ATP2C1: variants seen among roughly 807,000 people sequenced by gnomAD.
ATP2C1 encodes ATPase secretory pathway Ca2+ transporting 1.
ATP2C1 carries 31 observed loss-of-function variants against 120.5 expected under a neutral mutation model. That is an observed-to-expected ratio of 0.26 (90% CI 0.19 to 0.35). The LOEUF is 0.35. Ranked by LOEUF, ATP2C1 falls within the 10% of genes least tolerant of loss-of-function variation. The pLI is 1.00. For synonymous variants in ATP2C1, 351 were observed against 358.7 expected (o/e 0.98, Z 0.24); for missense variants, 731 against 1,107.5 (o/e 0.66, Z 4.83).
chr3:130,899,126 G>C (rs1354591279), intron 2 of ATP2C1, among the ~76,000 whole-genome samples: 1 of 152,086 alleles, frequency 6.6e-6, no homozygotes, highest in Non-Finnish European at 1.5e-5. Flanking sequence ...CAAAAAAAAG[G>C]CTAAATTGAT....
chr3:130,984,754 A>G (rs937100251), intron 20 of ATP2C1, among the ~76,000 whole-genome samples: 1 of 152,218 alleles, frequency 6.6e-6, no homozygotes, highest in Admixed American at 6.5e-5. Context: ...GGAAAAAATA[A>G]TTTTAAAATA....
In ATP2C1 at chr3:130,969,309, TCAA is replaced by T. The variant is rs2061189800; in HGVS notation, c.1330_1332del (p.Gln444del). On this transcript the variant is annotated inframe_deletion, in exon 17 of 28. Transcript: ENST00000510168. ...CCATATAGATGGGTCTTGATGGACT[TCAA>T]CAAGACTACATCAGAAAAGCTGAAT... The T allele has an allele frequency of 6.2e-7, 1 of 1,612,988 alleles. No homozygotes were observed. The highest frequency in any genetic ancestry group is 1.7e-5 in the Admixed American group (1 of 60,000).
intron 2 of ATP2C1, among the ~76,000 whole-genome samples, chr3:130,912,134 A>C (rs1445692389): frequency 6.9e-5 from 8 of 115,668 alleles, no homozygotes; most frequent in African/African-American, 2.9e-4. Flanking sequence ...CGTTAGACCT[A>C]AAACCATAAA....
chr3:130,889,996 G>C (rs2069117602), upstream of ATP2C1, among the ~76,000 whole-genome samples: 1 of 152,090 alleles, frequency 6.6e-6, no homozygotes, highest in Non-Finnish European at 1.5e-5. Context: ...AGGAAAGTAG[G>C]AGCTTGGATT....
At chr3:130,921,924 CT>C (rs2058984724) in intron 2 of ATP2C1, among the ~76,000 whole-genome samples, 1 of 151,924 alleles carries the variant, frequency 6.6e-6, no homozygotes, top group Non-Finnish European at 1.5e-5. Context: ...CTGTAATTTT[CT>C]TTTTTTGTTA....
Position 131,001,326 on chromosome 3 carries a change from A to T in ATP2C1, c.2736A>T (p.Thr912=). ...REKIQKHVSS[T]SSSFLEV ...AGATCCAGAAGCATGTTAGTTCGAC[A>T]TCATCATCTTTTCTTGAAGTATGAT... is the stretch of plus-strand genomic sequence containing the variant. Residue 912 remains threonine, a synonymous_variant, in exon 28 of 28, where the codon ACA becomes ACT. Coordinates refer to ENST00000510168, the MANE Select transcript of ATP2C1 (RefSeq NM_001378687.1). 6.2e-7 allele frequency: 1 copy of T among 1,613,520 alleles called. No homozygotes were observed. The highest frequency in any genetic ancestry group is 8.5e-7 in the Non-Finnish European group (1 of 1,179,608).
Position 130,969,239 on chromosome 3 carries a change from G to A in ATP2C1, c.1309-53G>A. On this transcript the variant is annotated intron_variant, in intron 16 of 27. Transcript: ENST00000510168. Reference sequence around the variant, plus strand: ...GTGGTGACCCTTGTTCTTTGTTAAAGGAAAAAATAATCACATATAGGTGAG... The same window carrying A: ...GTGGTGACCCTTGTTCTTTGTTAAAAGAAAAAATAATCACATATAGGTGAG... 3 of 1,341,684 alleles carry A rather than the reference G, an allele frequency of 2.2e-6. 1 individual carries two copies. The South Asian group carries it at 3.5e-5, about 16-fold the overall frequency. The allele number at this position is 1,341,684 out of a possible 1,614,324, so 83.1% of individuals were successfully genotyped here. A position where few individuals can be genotyped will look rare whatever the true frequency, so the allele number is the denominator to read the frequency against.
intron 1 of ATP2C1, among the ~76,000 whole-genome samples, chr3:130,888,138 G>A (rs1289231498): frequency 1.3e-5 from 2 of 152,080 alleles, no homozygotes; most frequent in Non-Finnish European, 2.9e-5. Flanking sequence ...TATGAGTTAG[G>A]GTCTAGCATG....
chr3:130,962,292 A>T (rs761090980), intron 12 of ATP2C1, among the ~76,000 whole-genome samples: 1 of 152,050 alleles, frequency 6.6e-6, no homozygotes, highest in African/African-American at 2.4e-5. Flanking sequence ...GCAGTCATGG[A>T]CCAAAGAAGA....
chr3:130,988,277 C>T (rs1261166044), intron 20 of ATP2C1, among the ~76,000 whole-genome samples: 6 of 151,890 alleles, frequency 4.0e-5, no homozygotes, highest in African/African-American at 1.5e-4. Flanking sequence ...TTGTAACTTC[C>T]TTTCCCTAGT....
At chr3:130,893,439 A>G (rs1291706249), upstream of ATP2C1, among the ~76,000 whole-genome samples, 1 of 152,150 alleles carries the variant, frequency 6.6e-6, no homozygotes, top group Non-Finnish European at 1.5e-5. Flanking sequence ...AATTTTGGGA[A>G]GTCGCCCCGC....
chr3:130,976,179 A>G (rs562615873), intron 18 of ATP2C1, among the ~76,000 whole-genome samples: 1 of 152,232 alleles, frequency 6.6e-6, no homozygotes, highest in South Asian at 2.1e-4. Context: ...ATAGGAGTCT[A>G]AGCACTACAA....
intron 2 of ATP2C1, among the ~76,000 whole-genome samples, chr3:130,915,214 C>T (rs983609799): frequency 6.6e-6 from 1 of 152,010 alleles, no homozygotes; most frequent in Non-Finnish European, 1.5e-5. Flanking sequence ...TTGTCTCAGC[C>T]TCCCAAGTAG....
intron 8 of ATP2C1, among the ~76,000 whole-genome samples, chr3:130,944,108 A>G (rs1435593283): frequency 6.6e-6 from 1 of 152,240 alleles, no homozygotes; most frequent in Non-Finnish European, 1.5e-5. Context: ...ACTTTAGAGA[A>G]AGCAAGTCTG....
intron 26 of ATP2C1, among the ~76,000 whole-genome samples, chr3:131,010,187 CTTTTTTTT>C (rs35503162): frequency 5.7e-5 from 5 of 87,994 alleles, no homozygotes; most frequent in African/African-American, 2.1e-4. Context: ...CTTTTTCTAT[CTTTTTTTT>C]TTTTTTTTTT....
At chr3:130,949,299 G>A (rs2060271900) in intron 8 of ATP2C1, among the ~76,000 whole-genome samples, 1 of 152,134 alleles carries the variant, frequency 6.6e-6, no homozygotes, top group Non-Finnish European at 1.5e-5. Flanking sequence ...TCTTATTGTG[G>A]ATATGAAGAA....
chr3:130,959,168 T>G, intron 11 of ATP2C1, 107 bp from the exon 12 acceptor site: 1 of 773,388 alleles, frequency 1.3e-6, no homozygotes, highest in Non-Finnish European at 2.2e-6. Flanking sequence ...TGATCTGATA[T>G]GCTTTCCCTT....
At chr3:130,895,103 G>C (rs995591297) in intron 2 of ATP2C1, among the ~76,000 whole-genome samples, 3 of 152,144 alleles carry the variant, frequency 2.0e-5, no homozygotes, top group Non-Finnish European at 4.4e-5. Context: ...GGAATTACTC[G>C]AGGGGAAGTG....
intron 2 of ATP2C1, among the ~76,000 whole-genome samples, chr3:130,926,722 G>T (rs2059223542): frequency 6.6e-6 from 1 of 152,242 alleles, no homozygotes; most frequent in African/African-American, 2.4e-5. Flanking sequence ...TCACATACCA[G>T]GTCTCTCAGC....
Sources: allele counts gnomAD v4.1 joint callset (sites outside exome capture counted in the v4.1 genomes callset), GRCh38; gene constraint gnomAD v4.1.1; transcripts MANE v1.5; gene names NCBI Gene and HGNC (gene_info 2026-07-23, HGNC 2026-07-21).